PYM1: variants seen among roughly 807,000 people sequenced by gnomAD.
The protein encoded by PYM1 is partner of Y14 and mago.
A neutral mutation model predicts 20.7 loss-of-function variants in PYM1; 7 were observed. The ratio of observed to expected loss-of-function variants is 0.34; its 90% CI spans 0.19 to 0.64. The LOEUF is 0.64. Ranked by LOEUF, PYM1 falls within the 30% of genes least tolerant of loss-of-function variation. The pLI, the probability that PYM1 is intolerant of heterozygous loss-of-function variation, is 0.74. For synonymous variants in PYM1, 100 were observed against 99.2 expected (o/e 1.01, Z -0.05); for missense variants, 194 against 250.0 (o/e 0.78, Z 1.51).
chr12:55,926,349 G>A (rs1883186465), intron 1 of PYM1, among the ~76,000 whole-genome samples: 1 of 152,172 alleles, frequency 6.6e-6, no homozygotes, highest in Non-Finnish European at 1.5e-5. Context: ...GGCCAGCCAG[G>A]CTGCAAATTC....
intron 1 of PYM1, among the ~76,000 whole-genome samples, chr12:55,909,856 AC>A (rs1882889571): frequency 6.6e-6 from 1 of 152,190 alleles, no homozygotes; most frequent in South Asian, 2.1e-4. Flanking sequence ...AAAAATAAAA[AC>A]AAAAAAGAGA....
intron 2 of PYM1, among the ~76,000 whole-genome samples, chr12:55,902,789 CAG>C (rs763526701): frequency 6.7e-6 from 1 of 148,172 alleles, no homozygotes; most frequent in African/African-American, 2.5e-5. Context: ...GTTTTTGAGA[CAG>C]AGTCTCGCTC....
intron 1 of PYM1, among the ~76,000 whole-genome samples, chr12:55,920,104 G>C (rs1883073238): frequency 6.6e-6 from 1 of 152,060 alleles, no homozygotes; most frequent in African/African-American, 2.4e-5. Context: ...TCAGGAGGAG[G>C]AGGCAGGAGA....
At chr12:55,926,071 G>A (rs1337872142) in intron 1 of PYM1, among the ~76,000 whole-genome samples, 3 of 152,194 alleles carry the variant, frequency 2.0e-5, no homozygotes, top group South Asian at 4.1e-4. Context: ...TTAAAACACC[G>A]TGTGTACCAA....
chr12:55,927,195 C>A, intron 1 of PYM1: 1 of 1,539,590 alleles, frequency 6.5e-7, no homozygotes, highest in Non-Finnish European at 8.8e-7. Flanking sequence ...TCGTAGCAAG[C>A]CACCATCTTA....
At chr12:55,910,770 A>G (rs1056384446) in intron 1 of PYM1, among the ~76,000 whole-genome samples, 3 of 152,202 alleles carry the variant, frequency 2.0e-5, no homozygotes, top group African/African-American at 7.2e-5. Flanking sequence ...GGCATGAGAC[A>G]TCACTCAAAT....
rs185494618 is a variant in PYM1 at position 55,921,615 on chromosome 12, C to A, written c.37+6110G>T. Among the ~76,000 whole-genome samples the A allele has an allele frequency of 4.1e-3, 631 of 152,178 alleles. 2 individuals carry two copies. The highest frequency in any genetic ancestry group is 6.2e-3 in the Non-Finnish European group (425 of 68,016). On this transcript the variant is annotated intron_variant, in intron 1 of 2. Coordinates refer to ENST00000408946, the MANE Select transcript of PYM1 (RefSeq NM_032345.3). The stretch of plus-strand genomic sequence containing the variant: ...TACTCTTTAGTAAAAAGAACAAGGG[C>A]TTCTTGGAGAAATGGCAGACCGCAG...
At chr12:55,923,258 T>C (rs1372664622) in intron 1 of PYM1, among the ~76,000 whole-genome samples, 1 of 150,198 alleles carries the variant, frequency 6.7e-6, no homozygotes, top group Non-Finnish European at 1.5e-5. Context: ...AATATAAAAA[T>C]AAATTAAGTA....
chr12:55,918,132 C>T (rs1261676955), intron 1 of PYM1, among the ~76,000 whole-genome samples: 6 of 149,812 alleles, frequency 4.0e-5, no homozygotes, highest in Non-Finnish European at 3.0e-5. Flanking sequence ...GAGTCTCGCT[C>T]TGTCGCCCAG....
chr12:55,920,636 CAAA>C (rs1254982255), intron 1 of PYM1, among the ~76,000 whole-genome samples: 1 of 69,928 alleles, frequency 1.4e-5, no homozygotes. Flanking sequence ...GACTCCGTCT[CAAA>C]AAAAAAAAAA....
intron 1 of PYM1, among the ~76,000 whole-genome samples, chr12:55,907,507 G>A (rs990422817): frequency 1.3e-5 from 2 of 150,802 alleles, no homozygotes; most frequent in African/African-American, 2.4e-5. Context: ...GGCGGCATGC[G>A]CTTGTAATCC....
intron 1 of PYM1, among the ~76,000 whole-genome samples, chr12:55,905,994 A>ATATTATT (rs1882809740): frequency 7.2e-6 from 1 of 139,060 alleles, no homozygotes; most frequent in South Asian, 2.1e-4. Context: ...TATAATATAA[A>ATATTATT]ATAAATAAGT....
chr12:55,921,802 C>T (rs1172728197), intron 1 of PYM1, among the ~76,000 whole-genome samples: 1 of 152,018 alleles, frequency 6.6e-6, no homozygotes, highest in African/African-American at 2.4e-5. Flanking sequence ...ATAAAATACA[C>T]ATCTATAAGT....
chr12:55,909,551 T>A (rs1195431633), intron 1 of PYM1, among the ~76,000 whole-genome samples: 1 of 150,220 alleles, frequency 6.7e-6, no homozygotes, highest in Non-Finnish European at 1.5e-5. Context: ...TGTTTCAGAG[T>A]ATTTAATCTA....
chr12:55,906,785 A>G (rs1882824626), intron 1 of PYM1, among the ~76,000 whole-genome samples: 2 of 151,962 alleles, frequency 1.3e-5, no homozygotes, highest in African/African-American at 4.8e-5. Context: ...AGTAGCTGGG[A>G]TTACAGGCAT....
At chr12:55,902,573 G>A (rs930907518) in intron 2 of PYM1, among the ~76,000 whole-genome samples, 1 of 152,074 alleles carries the variant, frequency 6.6e-6, no homozygotes, top group Non-Finnish European at 1.5e-5. Flanking sequence ...CACCTCCAGG[G>A]TTCAAGCAAT....
rs577313627 is a variant in PYM1 at position 55,920,775 on chromosome 12, TA to T, written c.37+6949del. ...AGTCCAATAACAGAAGAAAGTAAGA[TA>T]GGGTGCATGCCCAAACTATAAAACA... On this transcript the variant is annotated intron_variant, in intron 1 of 2. Coordinates refer to ENST00000408946, the MANE Select transcript of PYM1 (RefSeq NM_032345.3). Among the ~76,000 whole-genome samples the T allele has an allele frequency of 1.7e-3, 255 of 152,150 alleles. 2 individuals are homozygous for T. Among genetic ancestry groups the T allele is most frequent in the African/African-American group, 6.0e-3 (250 of 41,514 alleles).
At chr12:55,903,119 C>G (rs1167043217) in intron 2 of PYM1, among the ~76,000 whole-genome samples, 1 of 152,170 alleles carries the variant, frequency 6.6e-6, no homozygotes, top group Admixed American at 6.6e-5. Flanking sequence ...CAACTTTCCT[C>G]TGCTCTGCAG....
At chr12:55,906,405 A>T (rs1018589864) in intron 1 of PYM1, among the ~76,000 whole-genome samples, 2 of 152,134 alleles carry the variant, frequency 1.3e-5, no homozygotes, top group African/African-American at 2.4e-5. Flanking sequence ...GAACAAAATG[A>T]TTAGTATAAT....
Sources: gnomAD v4.1 joint callset for allele counts (sites outside exome capture counted in the v4.1 genomes callset) on GRCh38, gnomAD v4.1.1 for gene constraint, MANE v1.5 for transcripts, NCBI Gene and HGNC (gene_info 2026-07-23, HGNC 2026-07-21) for gene names.